Variants in MGAT4C observed in about 807,000 individuals in gnomAD.
MGAT4C encodes MGAT4 family member C.
MGAT4C carries 19 observed loss-of-function variants against 40.1 expected under a neutral mutation model. The observed-to-expected ratio is 0.47, with a 90% CI of 0.33 to 0.70. The LOEUF (loss-of-function observed/expected upper bound fraction) is 0.70. MGAT4C is among the 30% of genes least tolerant of loss of function. The pLI is 0.02. For synonymous variants in MGAT4C, 181 were observed against 187.1 expected (o/e 0.97, Z 0.27); for missense variants, 491 against 563.2 (o/e 0.87, Z 1.30).
chr12:86,403,511 G>A (rs565293042), intron 3 of MGAT4C, among the ~76,000 whole-genome samples: 1 of 152,274 alleles, frequency 6.6e-6, no homozygotes, highest in East Asian at 1.9e-4. Flanking sequence ...CCATATGACA[G>A]AACATCTCAT....
chr12:86,727,022 T>C (rs1000993388), intron 2 of MGAT4C, among the ~76,000 whole-genome samples: 5 of 152,176 alleles, frequency 3.3e-5, no homozygotes, highest in African/African-American at 1.2e-4. Flanking sequence ...AAGGCTCTAT[T>C]GTAATCACAT....
chr12:86,702,367 T>C (rs1359443482), intron 2 of MGAT4C, among the ~76,000 whole-genome samples: 3 of 152,094 alleles, frequency 2.0e-5, no homozygotes, highest in Non-Finnish European at 4.4e-5. Flanking sequence ...GTAGAAGAAA[T>C]AGCCTTATCT....
intron 1 of MGAT4C, among the ~76,000 whole-genome samples, chr12:86,154,913 T>C (rs1373062888): frequency 2.6e-5 from 4 of 152,130 alleles, no homozygotes; most frequent in Non-Finnish European, 5.9e-5. Flanking sequence ...GGAGCTCATA[T>C]TACGGTGGAA....
At chr12:86,432,264 A>G (rs575640190) in intron 3 of MGAT4C, among the ~76,000 whole-genome samples, 11 of 152,244 alleles carry the variant, frequency 7.2e-5, no homozygotes, top group Non-Finnish European at 1.2e-4. Flanking sequence ...AGGCAAAGAT[A>G]TGGAAATGGT....
At chr12:86,474,219 T>C (rs1344951351) in intron 2 of MGAT4C, among the ~76,000 whole-genome samples, 1 of 151,538 alleles carries the variant, frequency 6.6e-6, no homozygotes, top group Non-Finnish European at 1.5e-5. Context: ...ATGTCCTTTG[T>C]AGGGACATGG....
chr12:86,385,727 G>T (rs1413460046), intron 3 of MGAT4C, among the ~76,000 whole-genome samples: 4 of 152,102 alleles, frequency 2.6e-5, no homozygotes, highest in African/African-American at 9.7e-5. Flanking sequence ...AGTATGCTGT[G>T]TTGTCTACCA....
chr12:86,226,682 GT>G (rs1951092388), intron 1 of MGAT4C, among the ~76,000 whole-genome samples: 1 of 151,850 alleles, frequency 6.6e-6, no homozygotes, highest in South Asian at 2.1e-4. Context: ...GAGGAATCAT[GT>G]TCCTAAAACC....
chr12:86,342,339 C>G (rs938735581), intron 3 of MGAT4C, among the ~76,000 whole-genome samples: 4 of 152,130 alleles, frequency 2.6e-5, no homozygotes, highest in Non-Finnish European at 5.9e-5. Flanking sequence ...TCCTCCAGGT[C>G]TGGTACTCCA....
chr12:86,443,196 GTA>G (rs906290590), intron 2 of MGAT4C, among the ~76,000 whole-genome samples: 6 of 146,164 alleles, frequency 4.1e-5, no homozygotes, highest in Admixed American at 6.8e-5. Context: ...GTGTGTGTGT[GTA>G]TATATATACA....
chr12:86,019,832 G>C (rs918126445), intron 2 of MGAT4C, among the ~76,000 whole-genome samples: 3 of 152,112 alleles, frequency 2.0e-5, no homozygotes, highest in Non-Finnish European at 2.9e-5. Flanking sequence ...AGCATGGAAT[G>C]TTCTTCCATT....
At chr12:86,640,274 A>G (rs1194512888) in intron 2 of MGAT4C, among the ~76,000 whole-genome samples, 1 of 151,810 alleles carries the variant, frequency 6.6e-6, no homozygotes, top group African/African-American at 2.4e-5. Context: ...TTTATTCTCA[A>G]CTTAAATGCT....
At chr12:86,262,314 G>C (rs189598845) in intron 4 of MGAT4C, among the ~76,000 whole-genome samples, 8 of 152,128 alleles carry the variant, frequency 5.3e-5, no homozygotes, top group African/African-American at 1.9e-4. Context: ...GAATCTATCA[G>C]TCACTCATAG....
intron 1 of MGAT4C, among the ~76,000 whole-genome samples, chr12:86,116,709 G>A (rs1592983480): frequency 6.6e-6 from 1 of 152,156 alleles, no homozygotes; most frequent in East Asian, 1.9e-4. Context: ...TGAGCAAGAT[G>A]GGGGATGGGA....
chr12:86,039,908 G>C (rs573442120), intron 2 of MGAT4C, among the ~76,000 whole-genome samples: 1 of 152,166 alleles, frequency 6.6e-6, no homozygotes, highest in African/African-American at 2.4e-5. Context: ...TGGGTTCTCT[G>C]AGTGGATGTC....
chr12:86,761,191 A>G (rs371318381), intron 1 of MGAT4C, among the ~76,000 whole-genome samples: 9 of 152,184 alleles, frequency 5.9e-5, no homozygotes, highest in Admixed American at 2.0e-4. Context: ...AGTAAAAAAA[A>G]TGAAATAAAA....
intron 3 of MGAT4C, among the ~76,000 whole-genome samples, chr12:86,424,904 G>A (rs563702136): frequency 4.6e-5 from 7 of 152,048 alleles, no homozygotes; most frequent in Middle Eastern, 3.4e-3. Context: ...CTACAGGTGC[G>A]TGCTCCAATG....
intron 1 of MGAT4C, among the ~76,000 whole-genome samples, chr12:86,148,353 A>G (rs1454923738): frequency 6.6e-6 from 1 of 152,218 alleles, no homozygotes; most frequent in East Asian, 1.9e-4. Context: ...GTTAAAAAAC[A>G]TTGTGTGCTT....
At chr12:86,274,768 A>G (rs139643345) in intron 4 of MGAT4C, among the ~76,000 whole-genome samples, 78 of 152,348 alleles carry the variant, frequency 5.1e-4, no homozygotes, top group African/African-American at 1.8e-3. Flanking sequence ...GGTGAAACAT[A>G]ATACTGGGGT....
chr12:86,639,250 T>C (rs1407690705), intron 2 of MGAT4C, among the ~76,000 whole-genome samples: 2 of 151,748 alleles, frequency 1.3e-5, no homozygotes, highest in African/African-American at 2.4e-5. Flanking sequence ...AGTAGACTTA[T>C]TTGTCTCTGT....
Sources: gnomAD v4.1 joint callset for allele counts (sites outside exome capture counted in the v4.1 genomes callset) on GRCh38, gnomAD v4.1.1 for gene constraint, MANE v1.5 for transcripts, NCBI Gene and HGNC (gene_info 2026-07-23, HGNC 2026-07-21) for gene names.